CBFA2T3: variants seen among roughly 807,000 people sequenced by gnomAD.
CBFA2T3 encodes CBFA2/RUNX1 partner transcriptional co-repressor 3, also known as transcriptional corepressor CBFA2T3.
Under a neutral mutation model 58.6 loss-of-function variants are expected in CBFA2T3, and 31 were observed. The ratio of observed to expected loss-of-function variants is 0.53; its 90% CI spans 0.40 to 0.71. The LOEUF is 0.71. Ranked by LOEUF, CBFA2T3 falls within the 30% of genes least tolerant of loss-of-function variation. The probability of loss-of-function intolerance (pLI) is 0.00; values close to 1 mark genes in which losing one functional copy is unlikely to be tolerated. For missense variants in CBFA2T3, 1,076 were observed against 963.1 expected (o/e 1.12, Z -1.55); for synonymous variants, 531 against 421.9 (o/e 1.26, Z -3.17).
At chr16:88,907,221 G>A (rs1970368495) in intron 1 of CBFA2T3, among the ~76,000 whole-genome samples, 1 of 152,196 alleles carries the variant, frequency 6.6e-6, no homozygotes, top group Non-Finnish European at 1.5e-5. Flanking sequence ...AAGAAAGCAT[G>A]GAATTTGGGG....
chr16:88,931,278 A>T (rs558632990), intron 1 of CBFA2T3, among the ~76,000 whole-genome samples: 1 of 152,192 alleles, frequency 6.6e-6, no homozygotes, highest in East Asian at 1.9e-4. Context: ...TGGCTCTGTG[A>T]GCCTGGCTGT....
In CBFA2T3 at chr16:88,892,469, G is replaced by T; in HGVS notation, c.396C>A (p.Ser132Arg). ...CACCATTGATGGCTGTTGGTGAGTG[G>T]CTGCTGCCGTTCATCACTGCAGGAG... The part of the protein sequence containing the change: ...SMVCLLMNGS[S>R]HSPTAINGAP... Residue 132 changes from serine (S) to arginine (R), a missense_variant, in exon 4 of 12, where the codon AGC (serine) becomes AGA (arginine). By Grantham distance (110) the Ser-to-Arg change is moderately radical. Transcript: ENST00000268679. 1.2e-6 allele frequency: 2 copies of T among 1,612,772 alleles called. No individual in the cohort carries two copies. The highest frequency in any genetic ancestry group is 2.2e-5 in the East Asian group (1 of 44,888).
intron 1 of CBFA2T3, among the ~76,000 whole-genome samples, chr16:88,912,905 A>T (rs1329249223): frequency 6.6e-6 from 1 of 152,182 alleles, no homozygotes; most frequent in East Asian, 1.9e-4. Flanking sequence ...GGTGCGTCTG[A>T]GGAATAAGGA....
At chr16:88,941,452 C>G (rs1971728114) in intron 1 of CBFA2T3, among the ~76,000 whole-genome samples, 1 of 147,726 alleles carries the variant, frequency 6.8e-6, no homozygotes, top group Non-Finnish European at 1.5e-5. Flanking sequence ...TGGCGCTCAG[C>G]TCCGCCCCGG....
Position 88,885,290 on chromosome 16 carries a change from G to A in CBFA2T3, c.894-21C>T, listed in dbSNP as rs757597690. 3.3e-6 allele frequency: 5 copies of A among 1,503,394 alleles called. No homozygotes were observed. The South Asian group carries it at 3.9e-5, about 12-fold the overall frequency. The allele number at this position is 1,503,394 out of a possible 1,614,324, so 93.1% of individuals were successfully genotyped here. ...TGGTCCTAGCCCCAAGAGCAGGTGG[G>A]GCGAGGGCAGTGGACATAGGATGAA... On this transcript the variant is annotated intron_variant, in intron 6 of 11. Transcript: ENST00000268679. The surrounding 1 kb of genome is among the most constrained non-coding windows in gnomAD (Gnocchi z 5.3).
At position 88,882,698 on chromosome 16, in the gene CBFA2T3, T is replaced by C; in HGVS notation, c.1181A>G (p.Glu394Gly). 1 of 1,588,790 alleles carries C rather than the reference T, an allele frequency of 6.3e-7. No homozygotes were observed. The highest frequency in any genetic ancestry group is 2.3e-5 in the East Asian group (1 of 44,016). The change falls in exon 8 of 12, where the codon GAA becomes GGA. Residue 394 changes from glutamate to glycine, a missense_variant. Glu to Gly is a moderately conservative substitution (Grantham distance 98). Coordinates refer to ENST00000268679, the MANE Select transcript of CBFA2T3 (RefSeq NM_005187.6). The part of the protein sequence containing the change: ...DHKLTEREWA[E>G]EWKHLNNLLN... ...CACGTTGTTGAGGTGCTTCCACTCT[T>C]CTGCCCACTCACGCTCTGTGAGCTT... is the stretch of plus-strand genomic sequence containing the variant.
chr16:88,895,211 C>T (rs769045628), intron 3 of CBFA2T3, among the ~76,000 whole-genome samples: 3 of 152,240 alleles, frequency 2.0e-5, no homozygotes, highest in Admixed American at 6.5e-5. Flanking sequence ...CACTGACCAG[C>T]CCGTACCTCC....
At chr16:88,894,558 A>T (rs1351070801) in intron 3 of CBFA2T3, among the ~76,000 whole-genome samples, 3 of 138,638 alleles carry the variant, frequency 2.2e-5, no homozygotes, top group Non-Finnish European at 4.6e-5. Flanking sequence ...ACACACATGC[A>T]CACACACATG....
chr16:88,875,611 T>A lies in CBFA2T3; in HGVS notation c.*1365A>T, dbSNP rs559387461. The A allele has an allele frequency of 1.7e-5, 4 of 230,480 alleles. No individual in the cohort carries two copies. The highest frequency in any genetic ancestry group is 9.1e-5 in the African/African-American group (4 of 44,190). The allele number at this position is 230,480 out of a possible 1,614,324, so 14.3% of individuals were successfully genotyped here. A position where few individuals can be genotyped will look rare whatever the true frequency, so the allele number is the denominator to read the frequency against. On this transcript the variant is annotated 3_prime_UTR_variant, in exon 12 of 12. Transcript: ENST00000268679. ...GTTGGGGCGATGGGGCTGAGAGAGG[T>A]CGGAGCTGGGGTGAGGGGGCCGAGA...
chr16:88,966,223 T>C (rs4782493), intron 1 of CBFA2T3, among the ~76,000 whole-genome samples: 120,085 of 152,212 alleles, frequency 0.79, 47,662 homozygotes, highest in African/African-American at 0.86. Flanking sequence ...CAGCACGGCT[T>C]CCTGAAACAC....
At chr16:88,972,264 C>T (rs1349742850) in intron 1 of CBFA2T3, among the ~76,000 whole-genome samples, 1 of 152,120 alleles carries the variant, frequency 6.6e-6, no homozygotes. Flanking sequence ...CTGGCTGCAC[C>T]TGGCAGTGAG....
rs759501623 is a variant in CBFA2T3 at position 88,881,328 on chromosome 16, G to T, written c.1365C>A (p.Pro455=). Residue 455 remains proline, a synonymous_variant, in exon 9 of 12, where the codon CCC becomes CCA. Transcript: ENST00000268679. ...KKGPAPAAAR[P]RSSSAGPEGP... is the part of the protein sequence containing the mutation. ...CTTCGGGACCGGCGGAGCTGCTGCG[G>T]GGCCGGGCCGCGGCGGGAGCGGGGC... 2.7e-4 allele frequency: 421 copies of T among 1,586,840 alleles called. 1 individual carries two copies. The highest frequency in any genetic ancestry group is 3.5e-4 in the Non-Finnish European group (407 of 1,167,678).
chr16:88,946,879 C>T (rs1390868497), intron 1 of CBFA2T3, among the ~76,000 whole-genome samples: 2 of 152,282 alleles, frequency 1.3e-5, no homozygotes, highest in African/African-American at 2.4e-5. Flanking sequence ...TTTGACCTCC[C>T]AGGCTCAAGC....
At chr16:88,920,564 C>T (rs1259639151) in intron 1 of CBFA2T3, among the ~76,000 whole-genome samples, 2 of 152,026 alleles carry the variant, frequency 1.3e-5, no homozygotes, top group African/African-American at 2.4e-5. Flanking sequence ...GGATTACAGG[C>T]GGAAGCCACC....
At chr16:88,946,846 C>T (rs1041907142) in intron 1 of CBFA2T3, among the ~76,000 whole-genome samples, 3 of 152,100 alleles carry the variant, frequency 2.0e-5, no homozygotes, top group East Asian at 1.9e-4. Context: ...AGTGCAGTAG[C>T]GTGATCACAG....
Position 88,876,842 on chromosome 16 carries a change from G to A in CBFA2T3, c.*134C>T, listed in dbSNP as rs1968849880. On this transcript the variant is annotated 3_prime_UTR_variant, in exon 12 of 12. Transcript: ENST00000268679. Reference sequence around the variant, plus strand: ...GGGCAGTAGCAGCAGTGACTAATTGGTCGGCTCCCCCAGGTCAGGCGGGGC... The same window carrying A: ...GGGCAGTAGCAGCAGTGACTAATTGATCGGCTCCCCCAGGTCAGGCGGGGC... The A allele has an allele frequency of 4.6e-6, 3 of 658,190 alleles. No individual in the cohort carries two copies. Among genetic ancestry groups the A allele is most frequent in the African/African-American group, 3.9e-5 (2 of 51,772 alleles). The allele number at this position is 658,190 out of a possible 1,614,324, so 40.8% of individuals were successfully genotyped here. A position where few individuals can be genotyped will look rare whatever the true frequency, so the allele number is the denominator to read the frequency against.
chr16:88,929,395 C>A (rs762497184), intron 1 of CBFA2T3, among the ~76,000 whole-genome samples: 3 of 152,232 alleles, frequency 2.0e-5, no homozygotes, highest in Non-Finnish European at 2.9e-5. Flanking sequence ...CCCTGCCCAC[C>A]AGGACAGTGG....
chr16:88,908,356 G>C (rs1208849022), intron 1 of CBFA2T3, among the ~76,000 whole-genome samples: 1 of 150,270 alleles, frequency 6.7e-6, no homozygotes, highest in African/African-American at 2.5e-5. Context: ...AAAAAAAAAA[G>C]GAAAAGAAAA....
At chr16:88,887,578 C>G (rs1324926492) in intron 5 of CBFA2T3, among the ~76,000 whole-genome samples, 2 of 152,146 alleles carry the variant, frequency 1.3e-5, no homozygotes, top group Admixed American at 6.5e-5. Flanking sequence ...CAGGACTGGG[C>G]AGCATCAGCG....
Sources: allele counts gnomAD v4.1 joint callset (sites outside exome capture counted in the v4.1 genomes callset), GRCh38; gene constraint gnomAD v4.1.1; non-coding constraint Gnocchi (gnomAD v3.1); transcripts MANE v1.5; gene names NCBI Gene and HGNC (gene_info 2026-07-23, HGNC 2026-07-21).